Variants in SUMF1 observed in about 807,000 individuals in gnomAD.
SUMF1 encodes formylglycine-generating enzyme.
Under a neutral mutation model 47.6 loss-of-function variants are expected in SUMF1, and 48 were observed. That is an observed-to-expected ratio of 1.01 (90% CI 0.80 to 1.28). The LOEUF (loss-of-function observed/expected upper bound fraction) is 1.28. Ranked by LOEUF, SUMF1 falls within the 50% of genes most tolerant of loss-of-function variation. The pLI is 0.00. For synonymous variants in SUMF1, 230 were observed against 192.1 expected (o/e 1.20, Z -1.63); for missense variants, 571 against 485.4 (o/e 1.18, Z -1.66).
At chr3:4,209,920 A>G (rs1295367578) in intron 8 of SUMF1, among the ~76,000 whole-genome samples, 1 of 152,134 alleles carries the variant, frequency 6.6e-6, no homozygotes. Flanking sequence ...TTTGAGGCAG[A>G]GTCTCACTCT....
At chr3:4,169,891 A>G (rs1329503120) in intron 8 of SUMF1, among the ~76,000 whole-genome samples, 1 of 152,226 alleles carries the variant, frequency 6.6e-6, no homozygotes, top group Non-Finnish European at 1.5e-5. Flanking sequence ...AGAACTACTC[A>G]GCAAGAGAGT....
intron 8 of SUMF1, among the ~76,000 whole-genome samples, chr3:4,257,714 C>T (rs1211139076): frequency 6.6e-6 from 1 of 151,448 alleles, no homozygotes; most frequent in Middle Eastern, 3.2e-3. Context: ...TCAATGCCAT[C>T]CCCATCAAGC....
At position 4,385,476 on chromosome 3, in the gene SUMF1, C is replaced by T. The variant is rs527486254; in HGVS notation, c.955-9087G>A. On this transcript the variant is annotated intron_variant, in intron 7 of 8. Coordinates refer to ENST00000272902, the MANE Select transcript of SUMF1 (RefSeq NM_182760.4). ...CTGCACGTGTTCTAATTGGATTGTT[C>T]GGTTTTTTACTGCTGAGTGTTGAGT... Among the ~76,000 whole-genome samples the T allele has an allele frequency of 8.5e-5, 13 of 152,072 alleles. No individual in the cohort carries two copies. In the East Asian group the frequency reaches 1.5e-3, roughly 18 times the overall value.
At chr3:4,222,957 G>C (rs1211848868) in intron 8 of SUMF1, among the ~76,000 whole-genome samples, 11 of 152,118 alleles carry the variant, frequency 7.2e-5, no homozygotes, top group Non-Finnish European at 1.5e-4. Flanking sequence ...AAGCCTGAGA[G>C]ATAAATTAGA....
chr3:4,398,563 G>A (rs1412809691), intron 7 of SUMF1, among the ~76,000 whole-genome samples: 1 of 152,142 alleles, frequency 6.6e-6, no homozygotes, highest in East Asian at 1.9e-4. Context: ...ATGGGAAATG[G>A]CACTATATTA....
chr3:4,437,316 G>A (rs1702434805), intron 3 of SUMF1, among the ~76,000 whole-genome samples: 1 of 152,064 alleles, frequency 6.6e-6, no homozygotes, highest in Non-Finnish European at 1.5e-5. Context: ...AAAGTTAATG[G>A]AATAATAAAT....
At chr3:4,295,551 C>T (rs759909148) in intron 8 of SUMF1, among the ~76,000 whole-genome samples, 4 of 152,066 alleles carry the variant, frequency 2.6e-5, no homozygotes, top group African/African-American at 4.8e-5. Flanking sequence ...ATGAACGAAC[C>T]GCGGGCTGTG....
At chr3:4,195,720 A>G (rs1229197584) in intron 8 of SUMF1, among the ~76,000 whole-genome samples, 1 of 152,136 alleles carries the variant, frequency 6.6e-6, no homozygotes, top group East Asian at 1.9e-4. Context: ...TTAATCAGAG[A>G]CACTAGGACT....
intron 8 of SUMF1, among the ~76,000 whole-genome samples, chr3:4,366,997 G>A (rs973254007): frequency 4.6e-5 from 7 of 152,162 alleles, no homozygotes; most frequent in African/African-American, 1.7e-4. Context: ...GACCCTGTTT[G>A]CCTGGGTGTC....
chr3:4,460,647 T>C (rs754391125), intron 1 of SUMF1, among the ~76,000 whole-genome samples: 23 of 147,074 alleles, frequency 1.6e-4, no homozygotes, highest in Non-Finnish European at 2.8e-4. Flanking sequence ...TGTATATATA[T>C]ACATATATAT....
At chr3:4,216,334 C>T (rs1695923189) in intron 8 of SUMF1, among the ~76,000 whole-genome samples, 1 of 152,110 alleles carries the variant, frequency 6.6e-6, no homozygotes, top group Admixed American at 6.6e-5. Flanking sequence ...AATTGGCTAG[C>T]CATATGCAAT....
rs565765574 is a variant in SUMF1 at position 4,234,969 on chromosome 3, G to T, written c.1014+141361C>A. Among the ~76,000 whole-genome samples, 3 of 152,208 alleles carry T rather than the reference G, an allele frequency of 2.0e-5. No individual in the cohort carries two copies. In the East Asian group the frequency reaches 5.8e-4, roughly 29 times the overall value. On this transcript the variant is annotated intron_variant and NMD_transcript_variant, in intron 8 of 12. Coordinates refer to the SUMF1 transcript ENST00000448413. ...CATATATGTATAATACATATCAGAG[G>T]TTTAACAGGAACGTAACATTGACTG...
intron 7 of SUMF1, 119 bp from the exon 8 acceptor site, chr3:4,376,508 C>A: frequency 1.0e-6 from 1 of 992,126 alleles, no homozygotes; most frequent in Admixed American, 1.7e-5. Context: ...TCTCCACATG[C>A]ATTTCCACCC....
At chr3:4,403,296 T>C (rs973474473) in intron 7 of SUMF1, among the ~76,000 whole-genome samples, 7 of 152,028 alleles carry the variant, frequency 4.6e-5, no homozygotes, top group African/African-American at 1.7e-4. Context: ...AACCAAACTC[T>C]TAACTGCGGA....
intron 8 of SUMF1, among the ~76,000 whole-genome samples, chr3:4,198,169 G>T (rs569614447): frequency 6.6e-6 from 1 of 151,498 alleles, no homozygotes; most frequent in African/African-American, 2.4e-5. Context: ...CTTACTCATT[G>T]GCAGTGAAGG....
intron 8 of SUMF1, among the ~76,000 whole-genome samples, chr3:4,295,223 G>A (rs2029597): frequency 0.29 from 43,807 of 151,768 alleles, 7,802 homozygotes; most frequent in East Asian, 0.6. Flanking sequence ...AATGCCAGGG[G>A]CCTATATAGT....
intron 8 of SUMF1, among the ~76,000 whole-genome samples, chr3:4,231,855 T>C (rs1254426886): frequency 6.6e-6 from 1 of 152,184 alleles, no homozygotes; most frequent in Non-Finnish European, 1.5e-5. Context: ...AAGAATTTTA[T>C]CACATAAAGA....
intron 8 of SUMF1, among the ~76,000 whole-genome samples, chr3:4,347,050 C>T (rs141636933): frequency 2.0e-5 from 3 of 152,024 alleles, no homozygotes; most frequent in Admixed American, 2.0e-4. Flanking sequence ...AATAGCCTAC[C>T]AACTAAAAAA....
intron 8 of SUMF1, among the ~76,000 whole-genome samples, chr3:4,121,177 T>TC (rs1491110495): frequency 2.6e-5 from 4 of 151,946 alleles, no homozygotes; most frequent in Admixed American, 6.5e-5. Flanking sequence ...ACAATTTTTT[T>TC]CCCAGCCATT....
Sources: allele counts gnomAD v4.1 joint callset (sites outside exome capture counted in the v4.1 genomes callset), GRCh38; gene constraint gnomAD v4.1.1; transcripts MANE v1.5; gene names NCBI Gene and HGNC (gene_info 2026-07-23, HGNC 2026-07-21).